BCAR3: variants seen among roughly 807,000 people sequenced by gnomAD.
BCAR3 encodes the protein BCAR3 adaptor protein, NSP family member.
A neutral mutation model predicts 80.1 loss-of-function variants in BCAR3; 37 were observed. That is an observed-to-expected ratio of 0.46 (90% CI 0.36 to 0.61). The LOEUF (loss-of-function observed/expected upper bound fraction) is 0.61, where lower values mean the gene tolerates loss of function less well. Among genes scored for constraint, BCAR3 ranks in the 20% least tolerant of loss-of-function variants. The pLI is 0.00. For missense variants in BCAR3, 978 were observed against 1,068.2 expected, an observed-to-expected ratio of 0.92 and a Z score of 1.18; for synonymous variants, 389 against 418.9, an observed-to-expected ratio of 0.93 and a Z score of 0.87.
intron 2 of BCAR3, among the ~76,000 whole-genome samples, chr1:93,843,353 C>A: frequency 6.6e-6 from 1 of 152,298 alleles, no homozygotes; most frequent in Admixed American, 6.5e-5. Flanking sequence ...TGTGGGATTT[C>A]TTTATTAAGA....
At chr1:93,641,751 T>A (rs1675983185) in intron 3 of BCAR3, among the ~76,000 whole-genome samples, 1 of 152,170 alleles carries the variant, frequency 6.6e-6, no homozygotes, top group African/African-American at 2.4e-5. Flanking sequence ...AGATGACTCA[T>A]AAAATCTCAG....
At chr1:93,636,554 A>G (rs1218646174) in intron 3 of BCAR3, among the ~76,000 whole-genome samples, 2 of 151,512 alleles carry the variant, frequency 1.3e-5, no homozygotes, top group Non-Finnish European at 2.9e-5. Flanking sequence ...GCTAATTTGA[A>G]AAAAAAAAAC....
chr1:93,607,849 A>C lies in BCAR3; in HGVS notation c.358-15456T>G, dbSNP rs562724414. 6.6e-5 allele frequency among the ~76,000 whole-genome samples: 10 copies of C among 152,258 alleles called. No homozygotes were observed. In the East Asian group the frequency reaches 1.7e-3, roughly 27 times the overall value. ...GTGCATCCTTCCTGCCTTTGCACCC[A>C]CCACAAAGCACAGCGTAAGCTGCTT... On this transcript the variant is annotated intron_variant, in intron 3 of 11. Coordinates refer to ENST00000260502, the MANE Select transcript of BCAR3 (RefSeq NM_003567.4).
chr1:93,680,218 A>T (rs1209054851), intron 1 of BCAR3, among the ~76,000 whole-genome samples: 1 of 152,252 alleles, frequency 6.6e-6, no homozygotes, highest in Non-Finnish European at 1.5e-5. Flanking sequence ...TAAGGTTCTT[A>T]AGATTAGCAT....
chr1:93,735,068 G>A (rs1423161986), intron 2 of BCAR3, among the ~76,000 whole-genome samples: 2 of 152,166 alleles, frequency 1.3e-5, no homozygotes, highest in Admixed American at 6.5e-5. Context: ...CTTGCTCACT[G>A]TGGTGTTCCC....
intron 2 of BCAR3, among the ~76,000 whole-genome samples, chr1:93,840,138 C>CAAG (rs1654905847): frequency 6.6e-6 from 1 of 152,186 alleles, no homozygotes; most frequent in African/African-American, 2.4e-5. Context: ...TCCTGGGCAT[C>CAAG]AAGATTCTAG....
chr1:93,713,124 G>A (rs1307786764), intron 2 of BCAR3, among the ~76,000 whole-genome samples: 1 of 152,192 alleles, frequency 6.6e-6, no homozygotes, highest in Non-Finnish European at 1.5e-5. Flanking sequence ...TAGTATGACT[G>A]AGAAATTGCA....
At chr1:93,801,697 C>T (rs780501055) in intron 2 of BCAR3, among the ~76,000 whole-genome samples, 17 of 152,094 alleles carry the variant, frequency 1.1e-4, no homozygotes, top group Middle Eastern at 3.2e-3. Flanking sequence ...TGGTGGCTCA[C>T]GCCTATAATC....
intron 2 of BCAR3, among the ~76,000 whole-genome samples, chr1:93,829,733 T>TG (rs1375165106): frequency 6.6e-6 from 1 of 152,236 alleles, no homozygotes; most frequent in Non-Finnish European, 1.5e-5. Context: ...GTGAGCCTTA[T>TG]GATGGTTGAG....
Position 93,675,925 on chromosome 1 carries a change from C to CAAAAAAAAAAAAAAA in BCAR3, c.-11-999_-11-985dup, listed in dbSNP as rs58706715. Among the ~76,000 whole-genome samples the CAAAAAAAAAAAAAAA allele has an allele frequency of 9.9e-4, 51 of 51,452 alleles. 3 individuals carry two copies. Among genetic ancestry groups the CAAAAAAAAAAAAAAA allele is most frequent in the African/African-American group, 2.5e-3 (47 of 19,054 alleles). 33.8% of individuals were successfully genotyped at this position (51,452 alleles called of 152,430 possible). ...CACACAGAGGAAAAGAAATAGGAGA[C>CAAAAAAAAAAAAAAA]AAAAAAAAAAAAAAAAAAAAAAAAA... On this transcript the variant is annotated intron_variant, in intron 1 of 11. Transcript: ENST00000260502.
intron 2 of BCAR3, among the ~76,000 whole-genome samples, chr1:93,832,017 C>T (rs1654585368): frequency 6.6e-6 from 1 of 152,172 alleles, no homozygotes; most frequent in Admixed American, 6.5e-5. Context: ...GCTTTACCGC[C>T]CTAGACCCAG....
At chr1:93,577,152 T>TA (rs1673490795) in intron 7 of BCAR3, among the ~76,000 whole-genome samples, 1 of 152,026 alleles carries the variant, frequency 6.6e-6, no homozygotes, top group South Asian at 2.1e-4. Context: ...ACACTGTCTC[T>TA]AAAAACAAAA....
intron 3 of BCAR3, among the ~76,000 whole-genome samples, chr1:93,611,879 C>T (rs116452204): frequency 0.019 from 2,838 of 152,192 alleles, 79 homozygotes; most frequent in African/African-American, 0.064. Context: ...CCATGGCTAC[C>T]GCAGTGTTAT....
intron 3 of BCAR3, among the ~76,000 whole-genome samples, chr1:93,617,130 C>T (rs138856812): frequency 1.3e-5 from 2 of 152,320 alleles, no homozygotes; most frequent in East Asian, 3.9e-4. Flanking sequence ...ACAGGAGCTG[C>T]CTGCCAGCCA....
intron 2 of BCAR3, among the ~76,000 whole-genome samples, chr1:93,775,963 A>C (rs1652530666): frequency 6.6e-6 from 1 of 152,208 alleles, no homozygotes; most frequent in South Asian, 2.1e-4. Context: ...TTATAATAAA[A>C]GGGGTTTTGA....
chr1:93,767,425 G>T (rs1295464776), intron 2 of BCAR3, among the ~76,000 whole-genome samples: 2 of 151,940 alleles, frequency 1.3e-5, no homozygotes, highest in African/African-American at 4.8e-5. Flanking sequence ...TTGGGAGACT[G>T]AGGTGGGAGG....
chr1:93,618,427 A>G (rs947277557), intron 3 of BCAR3, among the ~76,000 whole-genome samples: 20 of 152,252 alleles, frequency 1.3e-4, no homozygotes, highest in Admixed American at 1.3e-4. Flanking sequence ...CAAAGAGACT[A>G]AAGTACAGTC....
upstream of BCAR3, among the ~76,000 whole-genome samples, chr1:93,683,931 G>GA (rs1162016751): frequency 6.6e-6 from 1 of 152,178 alleles, no homozygotes; most frequent in East Asian, 1.9e-4. Context: ...TTACTCCAAA[G>GA]AAATTTTTTT....
chr1:93,751,673 C>T (rs1162179777), intron 2 of BCAR3, among the ~76,000 whole-genome samples: 1 of 152,192 alleles, frequency 6.6e-6, no homozygotes, highest in African/African-American at 2.4e-5. Context: ...ACATTCCAGT[C>T]TCCAAACATG....
Sources: gnomAD v4.1 joint callset for allele counts (sites outside exome capture counted in the v4.1 genomes callset) on GRCh38, gnomAD v4.1.1 for gene constraint, MANE v1.5 for transcripts, NCBI Gene and HGNC (gene_info 2026-07-23, HGNC 2026-07-21) for gene names.